Variants in REDIC1 observed in about 807,000 individuals in gnomAD.
The protein encoded by REDIC1 is regulator of DNA class I crossover intermediates 1, also known as HEI10 Interacting Protein 1.
At chr12:39,822,181 C>G in the REDIC1 span, among the ~76,000 whole-genome samples, 21 of 149,236 alleles carry the variant, frequency 1.4e-4, no homozygotes, top group East Asian at 6.0e-4. Flanking sequence ...TTGGTTTTTT[C>G]TTCTTGCGAT....
At chr12:39,837,947 T>C in the REDIC1 span, among the ~76,000 whole-genome samples, 1 of 151,040 alleles carries the variant, frequency 6.6e-6, no homozygotes, top group Admixed American at 6.6e-5. Flanking sequence ...TCCTCAGGGA[T>C]CTAGAACTAG....
At chr12:39,701,199 G>C in the REDIC1 span, among the ~76,000 whole-genome samples, 1 of 152,064 alleles carries the variant, frequency 6.6e-6, no homozygotes, top group African/African-American at 2.4e-5. Flanking sequence ...CCCATACCAC[G>C]TGCGGAGACA....
chr12:39,884,892 T>A, the REDIC1 span, among the ~76,000 whole-genome samples: 2 of 152,162 alleles, frequency 1.3e-5, no homozygotes, highest in African/African-American at 2.4e-5. Flanking sequence ...GCATTTAAAA[T>A]CAGCCAAGGA....
chr12:39,634,599 A>G, the REDIC1 span, among the ~76,000 whole-genome samples: 1 of 152,160 alleles, frequency 6.6e-6, no homozygotes, highest in South Asian at 2.1e-4. Context: ...GAAAGCTGAA[A>G]CTGGATCCTT....
chr12:39,811,487 C>T, the REDIC1 span, among the ~76,000 whole-genome samples: 15 of 152,122 alleles, frequency 9.9e-5, 1 homozygote, highest in South Asian at 1.2e-3. Flanking sequence ...TGTCCCCTGA[C>T]GTTCTTGATA....
At chr12:39,872,352 T>C in the REDIC1 span, among the ~76,000 whole-genome samples, 2 of 152,210 alleles carry the variant, frequency 1.3e-5, no homozygotes, top group Non-Finnish European at 2.9e-5. Flanking sequence ...CATCATTCAC[T>C]GTGAATTAAT....
chr12:39,675,695 G>A, the REDIC1 span, among the ~76,000 whole-genome samples: 7 of 152,200 alleles, frequency 4.6e-5, no homozygotes, highest in East Asian at 3.9e-4. Flanking sequence ...CTCCCACAGA[G>A]TCCACATCAC....
chr12:39,803,427 C>A, the REDIC1 span, among the ~76,000 whole-genome samples: 177 of 152,102 alleles, frequency 1.2e-3, 1 homozygote, highest in Non-Finnish European at 1.9e-3. Context: ...AAAACTATCA[C>A]TTAGGAGCAA....
chr12:39,783,738 T>G, the REDIC1 span, among the ~76,000 whole-genome samples: 1 of 152,212 alleles, frequency 6.6e-6, no homozygotes, highest in Non-Finnish European at 1.5e-5. Context: ...TAAATTTGTT[T>G]GAGTTCTTTG....
At chr12:39,798,648 T>A in the REDIC1 span, among the ~76,000 whole-genome samples, 1 of 152,158 alleles carries the variant, frequency 6.6e-6, no homozygotes, top group Non-Finnish European at 1.5e-5. Flanking sequence ...AAGCACAGCC[T>A]CCCTGGAACA....
At chr12:39,674,062 T>A in the REDIC1 span, among the ~76,000 whole-genome samples, 6 of 152,334 alleles carry the variant, frequency 3.9e-5, no homozygotes, top group African/African-American at 1.4e-4. Context: ...TTGTCTTAAT[T>A]CTTTTCAGTT....
chr12:39,845,076 C>A, the REDIC1 span, among the ~76,000 whole-genome samples: 2 of 151,548 alleles, frequency 1.3e-5, no homozygotes, highest in African/African-American at 4.8e-5. Flanking sequence ...AAACTAATTA[C>A]TTTTTACTGT....
the REDIC1 span, chr12:39,650,434 A>C: frequency 6.7e-7 from 1 of 1,499,742 alleles, no homozygotes; most frequent in Non-Finnish European, 8.9e-7. The surrounding 1 kb of genome is among the most constrained non-coding windows in gnomAD (Gnocchi z 4.3). Flanking sequence ...AATGGACACA[A>C]ATATTTTTAG....
At chr12:39,701,161 G>A in the REDIC1 span, among the ~76,000 whole-genome samples, 4 of 152,122 alleles carry the variant, frequency 2.6e-5, no homozygotes, top group African/African-American at 7.2e-5. Context: ...AAAGAGTCAA[G>A]ACCCATCAGT....
the REDIC1 span, among the ~76,000 whole-genome samples, chr12:39,835,166 G>A: frequency 0.7 from 105,605 of 151,942 alleles, 37,036 homozygotes; most frequent in Admixed American, 0.78. Context: ...GCAGATATTA[G>A]GCCTATTTGT....
At chr12:39,890,948 C>G in the REDIC1 span, among the ~76,000 whole-genome samples, 1 of 152,020 alleles carries the variant, frequency 6.6e-6, no homozygotes, top group African/African-American at 2.4e-5. Flanking sequence ...AGTATACATA[C>G]ATGATGCAAA....
the REDIC1 span, among the ~76,000 whole-genome samples, chr12:39,638,759 G>A: frequency 2.6e-5 from 4 of 152,026 alleles, no homozygotes; most frequent in East Asian, 3.9e-4. Flanking sequence ...CATTTTCACC[G>A]CAGTCTAGTG....
chr12:39,671,544 C>T, the REDIC1 span, among the ~76,000 whole-genome samples: 6 of 152,098 alleles, frequency 3.9e-5, no homozygotes, highest in Non-Finnish European at 7.4e-5. Flanking sequence ...GTGGTAGTGG[C>T]AGACCAGGTG....
the REDIC1 span, among the ~76,000 whole-genome samples, chr12:39,642,954 T>C: frequency 6.6e-6 from 1 of 151,900 alleles, no homozygotes; most frequent in South Asian, 2.1e-4. Flanking sequence ...AAATATGATA[T>C]GTAACCTCTT....
Sources: gnomAD v4.1 joint callset for allele counts (sites outside exome capture counted in the v4.1 genomes callset) on GRCh38, gnomAD v4.1.1 for gene constraint, Gnocchi (gnomAD v3.1) non-coding constraint, MANE v1.5 for transcripts, NCBI Gene and HGNC (gene_info 2026-07-23, HGNC 2026-07-21) for gene names.